ARFRP1: variants seen among roughly 807,000 people sequenced by gnomAD.
The protein encoded by ARFRP1 is ARF related protein 1.
Under a neutral mutation model 30.3 loss-of-function variants are expected in ARFRP1, and 19 were observed. That is an observed-to-expected ratio of 0.63 (90% confidence interval 0.44 to 0.92). ARFRP1 has a LOEUF of 0.92. Among genes scored for constraint, ARFRP1 ranks in the 40% least tolerant of loss-of-function variants. The pLI, the probability that ARFRP1 is intolerant of heterozygous loss-of-function variation, is 0.00. For missense variants in ARFRP1, 245 were observed against 267.5 expected (o/e 0.92, Z 0.59); for synonymous variants, 133 against 114.2 (o/e 1.16, Z -1.05).
At chr20:63,706,198 A>G (rs2091453325) in intron 4 of ARFRP1, 159 bp downstream of exon 4, 1 of 703,278 alleles carries the variant, frequency 1.4e-6, no homozygotes. Flanking sequence ...CAGCTGGGAC[A>G]AAACAGGGAG....
chr20:63,702,131 C>T lies in ARFRP1; in HGVS notation c.346+5G>A. ...TCCCTCCCAGAGCAGCCAGGCCGCA[C>T]TCACCAAACGCCTGCTTGGACTCAG... On this transcript the variant is annotated splice_donor_5th_base_variant and intron_variant, in intron 5 of 7. Coordinates refer to ENST00000622789, the MANE Select transcript of ARFRP1 (RefSeq NM_001267547.3). 6.2e-7 allele frequency: 1 copy of T among 1,610,804 alleles called. No individual in the cohort carries two copies. The highest frequency in any genetic ancestry group is 8.5e-7 in the Non-Finnish European group (1 of 1,179,554).
intron 3 of ARFRP1, 50 bp downstream of exon 3, chr20:63,706,601 C>CA (rs1483031120): frequency 1.3e-6 from 2 of 1,546,418 alleles, no homozygotes; most frequent in Non-Finnish European, 1.8e-6. Context: ...CTGTGAATAT[C>CA]ACGGCATCCT....
intron 4 of ARFRP1, chr20:63,702,611 G>A (rs1395941241): frequency 8.7e-6 from 2 of 231,118 alleles, no homozygotes; most frequent in Admixed American, 1.0e-4. Flanking sequence ...ATGTGCGCCT[G>A]CAGTCCTAGC....
At chr20:63,705,745 T>C (rs762432767) in intron 4 of ARFRP1, 1 of 533,178 alleles carries the variant, frequency 1.9e-6, no homozygotes, top group Non-Finnish European at 3.8e-6. Flanking sequence ...GCACTCACTT[T>C]GGAGGAGTGC....
chr20:63,706,541 AATGAG>A, intron 3 of ARFRP1, 102 bp from the exon 4 acceptor site: 1 of 1,524,962 alleles, frequency 6.6e-7, no homozygotes, highest in Non-Finnish European at 9.1e-7. Flanking sequence ...GTGCCACTCA[AATGAG>A]ACTTGAGAGG....
At chr20:63,701,411 G>C in intron 6 of ARFRP1, 1 of 523,080 alleles carries the variant, frequency 1.9e-6, no homozygotes, top group South Asian at 1.5e-5. Flanking sequence ...GCTGCCCTGG[G>C]GGTGGGGCTG....
intron 1 of ARFRP1, chr20:63,707,303 G>A (rs943366503): frequency 3.5e-6 from 2 of 566,690 alleles, no homozygotes; most frequent in South Asian, 2.2e-5. Flanking sequence ...TCACAGCAAT[G>A]ACTGCGACCT....
chr20:63,706,978 C>G, intron 2 of ARFRP1, 21 bp downstream of exon 2: 1 of 1,612,478 alleles, frequency 6.2e-7, no homozygotes, highest in Non-Finnish European at 8.5e-7. Flanking sequence ...GAAAGGTGCG[C>G]GCAAGGGCGT....
rs1386158602 is a variant in ARFRP1 at position 63,699,412 on chromosome 20, C to G, written c.*1031G>C. ...ACTCTCCAGGCCCACCTGGGGAGCC[C>G]CTCACCTGCCCACCAGCCCCTGAGC... is the stretch of plus-strand genomic sequence containing the variant. On this transcript the variant is annotated 3_prime_UTR_variant, in exon 8 of 8. Coordinates refer to ENST00000622789, the MANE Select transcript of ARFRP1 (RefSeq NM_001267547.3). The G allele has an allele frequency of 6.6e-6, 1 of 152,420 alleles. No individual in the cohort carries two copies. The highest frequency in any genetic ancestry group is 2.4e-5 in the African/African-American group (1 of 41,422). The allele number at this position is 152,420 out of a possible 1,614,324, so 9.4% of individuals were successfully genotyped here. A position where few individuals can be genotyped will look rare whatever the true frequency, so the allele number is the denominator to read the frequency against.
In ARFRP1 at chr20:63,705,538, A is replaced by C. The variant is rs1419967854; in HGVS notation, c.264+819T>G. 1.1e-5 allele frequency: 5 copies of C among 456,226 alleles called. 1 individual carries two copies. The highest frequency in any genetic ancestry group is 8.4e-4 in the Middle Eastern group (2 of 2,380). 28.3% of individuals were successfully genotyped at this position (456,226 alleles called of 1,614,324 possible). A position where few individuals can be genotyped will look rare whatever the true frequency, so the allele number is the denominator to read the frequency against. On this transcript the variant is annotated intron_variant, in intron 4 of 7. Transcript: ENST00000622789. ...CCACACTGGGATCTCAGAAATGCCC[A>C]AAACCTGTGTCAAAATAGGAGACTG...
chr20:63,704,683 C>G (rs1434431798), intron 4 of ARFRP1: 1 of 152,426 alleles, frequency 6.6e-6, no homozygotes, highest in East Asian at 1.9e-4. Context: ...AGGAACCCCT[C>G]TCCAACGTGG....
rs546482299 is a variant in ARFRP1 at position 63,706,550 on chromosome 20, TGA to T, written c.181+99_181+100del. ...ATGCTGGTGCCACTCAAATGAGACT[TGA>T]GAGGGGCCCGACAGGGCTGTGGCCA... On this transcript the variant is annotated intron_variant, in intron 3 of 7. Transcript: ENST00000622789. The T allele has an allele frequency of 2.0e-5, 30 of 1,521,050 alleles. No homozygotes were observed. In the African/African-American group the frequency reaches 3.6e-4, roughly 18 times the overall value. The allele number at this position is 1,521,050 out of a possible 1,614,324, so 94.2% of individuals were successfully genotyped here.
In ARFRP1 at chr20:63,702,170, G is replaced by A. The variant is rs559072541; in HGVS notation, c.312C>T (p.Asp104=). The A allele has an allele frequency of 1.7e-4, 274 of 1,612,072 alleles. No individual in the cohort carries two copies. The highest frequency in any genetic ancestry group is 2.1e-4 in the Non-Finnish European group (243 of 1,179,900). ...HGVIYVIDST[D]EERLAESKQA... ...GCTTGGACTCAGCCAGCCTCTCCTC[G>A]TCGGTGGAGTCAATGACGTAGATGA... Residue 104 remains aspartate, a synonymous_variant, in exon 5 of 8, where the codon GAC becomes GAT. Coordinates refer to ENST00000622789, the MANE Select transcript of ARFRP1 (RefSeq NM_001267547.3).
rs754855495 is a variant in ARFRP1, at chr20:63,706,684, G to T, written c.148C>A (p.Leu50Ile). 6.2e-7 allele frequency: 1 copy of T among 1,613,862 alleles called. No homozygotes were observed. Among genetic ancestry groups the T allele is most frequent in the African/African-American group, 1.3e-5 (1 of 74,928 alleles). Residue 50 changes from leucine (L) to isoleucine (I), a missense_variant, in exon 3 of 8, where the codon CTA (leucine) becomes ATA (isoleucine). Physicochemically the swap from Leu to Ile is conservative, Grantham distance 5. Coordinates refer to ENST00000622789, the MANE Select transcript of ARFRP1 (RefSeq NM_001267547.3). ...CCCACGGTGGTGGTGATTTTGGATAGACTCATCCCCTTGTAGTTCTTGTTA... is the reference window on the plus strand; with the variant it reads ...CCCACGGTGGTGGTGATTTTGGATATACTCATCCCCTTGTAGTTCTTGTTA... ...RFNKNYKGMS[L>I]SKITTTVGLN...
intron 1 of ARFRP1, chr20:63,707,665 A>C (rs1259374291): frequency 1.3e-5 from 2 of 152,230 alleles, no homozygotes; most frequent in African/African-American, 2.4e-5. Flanking sequence ...GTGCACCTGG[A>C]GGCGGCGCGC....
In ARFRP1 at chr20:63,700,209, A is replaced by G. The variant is rs551110639; in HGVS notation, c.*234T>C. On this transcript the variant is annotated 3_prime_UTR_variant, in exon 8 of 8. Transcript: ENST00000622789. The stretch of plus-strand genomic sequence containing the variant: ...GAAAGGCCGCCGCTGCGCCCTGTGG[A>G]AAGGCTGCCGCTGCAGGGCCTGGGC... 4 of 592,228 alleles carry G rather than the reference A, an allele frequency of 6.8e-6. No individual in the cohort carries two copies. The highest frequency in any genetic ancestry group is 3.7e-5 in the African/African-American group (2 of 53,474). The allele number at this position is 592,228 out of a possible 1,614,324, so 36.7% of individuals were successfully genotyped here.
chr20:63,700,899 C>G (rs961310376), intron 6 of ARFRP1, 197 bp from the exon 7 acceptor site: 5 of 700,226 alleles, frequency 7.1e-6, no homozygotes, highest in Non-Finnish European at 1.2e-5. Flanking sequence ...GCTGGTAGTG[C>G]CTGAGACAAA....
rs530851924 is a variant in ARFRP1 at position 63,702,182 on chromosome 20, A to G, written c.300T>C (p.Ile100=). The G allele has an allele frequency of 5.0e-6, 8 of 1,612,156 alleles. No individual in the cohort carries two copies. In the African/African-American group the frequency reaches 9.3e-5, roughly 19 times the overall value. ...CCAGCCTCTCCTCGTCGGTGGAGTCAATGACGTAGATGACGCCGTGACACT... is the reference window on the plus strand; with the variant it reads ...CCAGCCTCTCCTCGTCGGTGGAGTCGATGACGTAGATGACGCCGTGACACT... ...YAECHGVIYV[I]DSTDEERLAE... The change falls in exon 5 of 8, where the codon ATT becomes ATC. Residue 100 remains isoleucine (I), a synonymous_variant. Coordinates refer to ENST00000622789, the MANE Select transcript of ARFRP1 (RefSeq NM_001267547.3).
chr20:63,707,892 G>C lies in ARFRP1; in HGVS notation c.-32C>G, dbSNP rs962285567. Reference sequence around the variant, plus strand: ...CTGCGTCCGCCGCGCCCTCGGAGCCGCTGCTGCTGACCCCCGCTGACCTCC... The same window carrying C: ...CTGCGTCCGCCGCGCCCTCGGAGCCCCTGCTGCTGACCCCCGCTGACCTCC... On this transcript the variant is annotated 5_prime_UTR_variant, in exon 1 of 8. Coordinates refer to ENST00000622789, the MANE Select transcript of ARFRP1 (RefSeq NM_001267547.3). The C allele has an allele frequency of 2.6e-4, 40 of 152,836 alleles. No individual in the cohort carries two copies. The highest frequency in any genetic ancestry group is 9.4e-4 in the African/African-American group (39 of 41,464). 9.5% of individuals were successfully genotyped at this position (152,836 alleles called of 1,614,324 possible).
Sources: gnomAD v4.1 joint callset for allele counts on GRCh38, gnomAD v4.1.1 for gene constraint, MANE v1.5 for transcripts, NCBI Gene and HGNC (gene_info 2026-07-23, HGNC 2026-07-21) for gene names.